The following ANTXR1 variants were observed in gnomAD, a reference collection of about 807,000 sequenced individuals.
ANTXR1 encodes ANTXR cell adhesion molecule 1.
A neutral mutation model predicts 78.1 loss-of-function variants in ANTXR1; 19 were observed. The observed-to-expected ratio is 0.24, with a 90% CI of 0.17 to 0.36. The LOEUF (loss-of-function observed/expected upper bound fraction) is 0.36. Among genes scored for constraint, ANTXR1 ranks in the 10% least tolerant of loss-of-function variants. ANTXR1 has a pLI of 1.00. For synonymous variants in ANTXR1, 273 were observed against 260.5 expected (o/e 1.05, Z -0.46); for missense variants, 518 against 718.6 (o/e 0.72, Z 3.19).
At chr2:69,041,785 T>C (rs1669622757) in intron 2 of ANTXR1, among the ~76,000 whole-genome samples, 1 of 152,164 alleles carries the variant, frequency 6.6e-6, no homozygotes, top group African/African-American at 2.4e-5. Context: ...CTTAATCCAA[T>C]TCCCTTGCTT....
intron 17 of ANTXR1, among the ~76,000 whole-genome samples, chr2:69,228,333 C>CTTGGGGAGACACACACATTCGGT (rs1675513127): frequency 6.6e-6 from 1 of 152,134 alleles, no homozygotes; most frequent in Non-Finnish European, 1.5e-5. Flanking sequence ...AGTGTTGGGA[C>CTTGGGGAGACACACACATTCGGT]CCGTGGAAAC....
At chr2:69,208,290 C>T (rs573776710) in intron 17 of ANTXR1, among the ~76,000 whole-genome samples, 2 of 152,280 alleles carry the variant, frequency 1.3e-5, no homozygotes, top group South Asian at 4.2e-4. Flanking sequence ...TTCTTACCCC[C>T]ACAAGTAGCA....
At chr2:69,213,245 G>A (rs146444688) in intron 17 of ANTXR1, among the ~76,000 whole-genome samples, 6 of 152,286 alleles carry the variant, frequency 3.9e-5, no homozygotes, top group African/African-American at 1.4e-4. Context: ...AGAGCAGATT[G>A]AGCTGTGACT....
chr2:69,135,048 T>C, intron 12 of ANTXR1: 1 of 421,148 alleles, frequency 2.4e-6, no homozygotes. Context: ...ACCACAGGAA[T>C]ATCAGAGTGC....
At chr2:69,182,811 T>C in intron 16 of ANTXR1, 151 bp downstream of exon 16, 4 of 983,792 alleles carry the variant, frequency 4.1e-6, no homozygotes, top group Non-Finnish European at 6.1e-6. Context: ...TTGAAAGTAC[T>C]AGTAATTACT....
At chr2:69,097,960 A>T (rs1160951360) in intron 9 of ANTXR1, among the ~76,000 whole-genome samples, 2 of 152,248 alleles carry the variant, frequency 1.3e-5, no homozygotes, top group Non-Finnish European at 1.5e-5. Flanking sequence ...TCCTAAAATA[A>T]TTATGCTGAG....
intron 3 of ANTXR1, 62 bp from the exon 4 acceptor site, chr2:69,070,585 T>C (rs1219896567): frequency 2.7e-6 from 4 of 1,486,974 alleles, no homozygotes; most frequent in Non-Finnish European, 2.8e-6. Context: ...CTAGTACTTA[T>C]GACTACAACA....
chr2:69,109,441 G>A (rs1031770678), intron 10 of ANTXR1, among the ~76,000 whole-genome samples: 9 of 152,158 alleles, frequency 5.9e-5, no homozygotes, highest in Non-Finnish European at 1.0e-4. Flanking sequence ...AACTCGCCCT[G>A]GCCGATTTTA....
At chr2:69,231,479 T>C (rs944547855) in intron 17 of ANTXR1, among the ~76,000 whole-genome samples, 19 of 152,166 alleles carry the variant, frequency 1.2e-4, no homozygotes, top group African/African-American at 4.6e-4. Flanking sequence ...CCACACACCA[T>C]GAATGACCCC....
chr2:69,147,187 G>A (rs1226922470), intron 12 of ANTXR1, among the ~76,000 whole-genome samples: 1 of 152,234 alleles, frequency 6.6e-6, no homozygotes, highest in Non-Finnish European at 1.5e-5. Context: ...CACTGGCAAA[G>A]CCTGTTCCTT....
intron 8 of ANTXR1, among the ~76,000 whole-genome samples, chr2:69,086,229 ACT>A (rs1303128475): frequency 6.6e-6 from 1 of 152,368 alleles, no homozygotes; most frequent in Non-Finnish European, 1.5e-5. Flanking sequence ...ATTCCTTATA[ACT>A]CTGTGCAGAT....
intron 17 of ANTXR1, among the ~76,000 whole-genome samples, chr2:69,234,623 C>T (rs1675706196): frequency 6.6e-6 from 1 of 151,954 alleles, no homozygotes; most frequent in African/African-American, 2.4e-5. Context: ...ACAAAATTGG[C>T]CAGGTGGTGC....
At chr2:69,065,049 T>C (rs1558507375) in intron 3 of ANTXR1, among the ~76,000 whole-genome samples, 1 of 151,946 alleles carries the variant, frequency 6.6e-6, no homozygotes. Context: ...AGACATATAA[T>C]AGAAGAAGAC....
At chr2:69,067,612 C>T (rs1178953736) in intron 3 of ANTXR1, among the ~76,000 whole-genome samples, 2 of 152,162 alleles carry the variant, frequency 1.3e-5, no homozygotes, top group Non-Finnish European at 2.9e-5. Context: ...CAGAAATTAT[C>T]CCTCTGCCCC....
chr2:69,183,424 A>G (rs1418505658), intron 16 of ANTXR1, among the ~76,000 whole-genome samples: 6 of 151,758 alleles, frequency 4.0e-5, no homozygotes, highest in African/African-American at 1.5e-4. Flanking sequence ...ATTTTTTGAG[A>G]CAGGTTCTCA....
intron 7 of ANTXR1, among the ~76,000 whole-genome samples, chr2:69,076,593 A>G (rs1443883923): frequency 6.6e-6 from 1 of 152,242 alleles, no homozygotes; most frequent in Non-Finnish European, 1.5e-5. Flanking sequence ...AGACATTTGT[A>G]TGTTCACATA....
At chr2:69,124,813 T>C (rs551050333) in intron 12 of ANTXR1, among the ~76,000 whole-genome samples, 170 bp downstream of exon 12, 13 of 152,232 alleles carry the variant, frequency 8.5e-5, no homozygotes, top group African/African-American at 3.1e-4. Context: ...TGGATTGGGG[T>C]GTGCTGTACC....
intron 1 of ANTXR1, among the ~76,000 whole-genome samples, chr2:69,030,067 G>A (rs1671482528): frequency 6.6e-6 from 1 of 152,050 alleles, no homozygotes; most frequent in Non-Finnish European, 1.5e-5. Context: ...CAAGAGGGAG[G>A]GAAATCCATA....
intron 17 of ANTXR1, among the ~76,000 whole-genome samples, chr2:69,210,824 T>TACTTGGC (rs1558648187): frequency 6.6e-6 from 1 of 151,350 alleles, no homozygotes; most frequent in Non-Finnish European, 1.5e-5. Flanking sequence ...TAGTCCCAGC[T>TACTTGGC]ACTTGGCAGG....
Sources: gnomAD v4.1 joint callset for allele counts (sites outside exome capture counted in the v4.1 genomes callset) on GRCh38, gnomAD v4.1.1 for gene constraint, MANE v1.5 for transcripts, NCBI Gene and HGNC (gene_info 2026-07-23, HGNC 2026-07-21) for gene names.